The following IQCM variants were observed in gnomAD, a reference collection of about 807,000 sequenced individuals.
The protein encoded by IQCM is IQ domain-containing protein M.
Under a neutral mutation model 57.6 loss-of-function variants are expected in IQCM, and 45 were observed. The observed-to-expected ratio is 0.78, with a 90% confidence interval of 0.62 to 1.00. IQCM has a LOEUF of 1.00. IQCM is among the 50% of genes least tolerant of loss of function. The pLI is 0.00. For synonymous variants in IQCM, 148 were observed against 158.9 expected (o/e 0.93, Z 0.51); for missense variants, 468 against 511.6 (o/e 0.91, Z 0.82).
intron 7 of IQCM, among the ~76,000 whole-genome samples, chr4:149,638,261 T>C (rs1396105086): frequency 2.6e-5 from 4 of 152,080 alleles, no homozygotes; most frequent in Non-Finnish European, 2.9e-5. Context: ...TAAAATGAGA[T>C]TGACAACATA....
At chr4:149,457,315 C>T (rs1737807511) in intron 12 of IQCM, among the ~76,000 whole-genome samples, 1 of 152,010 alleles carries the variant, frequency 6.6e-6, no homozygotes, top group African/African-American at 2.4e-5. Flanking sequence ...TCTGATTGTC[C>T]TCTCTAGCTT....
chr4:149,649,909 G>C (rs1030504681), intron 7 of IQCM, among the ~76,000 whole-genome samples: 14 of 152,170 alleles, frequency 9.2e-5, no homozygotes, highest in South Asian at 6.2e-4. Flanking sequence ...ACGTCTCAAT[G>C]GTTTGATATA....
intron 13 of IQCM, among the ~76,000 whole-genome samples, chr4:149,362,421 C>G (rs996777671): frequency 6.6e-6 from 1 of 152,074 alleles, no homozygotes; most frequent in South Asian, 2.1e-4. Flanking sequence ...ATTTTATCTC[C>G]CAGAATTCCC....
At chr4:149,762,565 T>C (rs1023018922) in intron 2 of IQCM, among the ~76,000 whole-genome samples, 18 of 152,226 alleles carry the variant, frequency 1.2e-4, no homozygotes, top group African/African-American at 4.3e-4. Flanking sequence ...GCAGTATTTC[T>C]ATATTAAAAA....
At chr4:149,352,182 T>C in intron 13 of IQCM, 116 bp from the exon 14 acceptor site, 2 of 394,032 alleles carry the variant, frequency 5.1e-6, no homozygotes, top group Non-Finnish European at 4.5e-6. Context: ...TGTTAGAACA[T>C]GCAAAAGACT....
At chr4:149,537,764 G>T (rs1747446241) in intron 12 of IQCM, among the ~76,000 whole-genome samples, 1 of 151,878 alleles carries the variant, frequency 6.6e-6, no homozygotes, top group African/African-American at 2.4e-5. Context: ...ATTAATGACT[G>T]ATTTCCCATC....
intron 13 of IQCM, among the ~76,000 whole-genome samples, chr4:149,423,267 T>C (rs1579009690): frequency 6.6e-6 from 1 of 151,320 alleles, no homozygotes; most frequent in South Asian, 2.1e-4. Context: ...AGCAGGAGAG[T>C]AAAGAGCAGG....
At chr4:149,395,013 A>C (rs1205424968) in intron 13 of IQCM, among the ~76,000 whole-genome samples, 1 of 151,982 alleles carries the variant, frequency 6.6e-6, no homozygotes, top group Non-Finnish European at 1.5e-5. Flanking sequence ...AACATCTTAG[A>C]AGGAGACTCC....
chr4:149,473,940 A>G (rs1444107062), intron 12 of IQCM, among the ~76,000 whole-genome samples: 1 of 152,142 alleles, frequency 6.6e-6, no homozygotes, highest in African/African-American at 2.4e-5. Flanking sequence ...ACAATTGGAC[A>G]CAGGGTGGGG....
intron 7 of IQCM, among the ~76,000 whole-genome samples, chr4:149,630,672 T>C (rs941911851): frequency 6.6e-6 from 1 of 152,206 alleles, no homozygotes; most frequent in Non-Finnish European, 1.5e-5. Flanking sequence ...CATACATCCC[T>C]GATGAAAATG....
At chr4:149,716,091 G>T (rs577030134) in intron 5 of IQCM, among the ~76,000 whole-genome samples, 1 of 152,304 alleles carries the variant, frequency 6.6e-6, no homozygotes, top group East Asian at 1.9e-4. Context: ...ACTGGGATCT[G>T]CCCCTTTCTG....
intron 5 of IQCM, among the ~76,000 whole-genome samples, chr4:149,712,699 T>C (rs1764663109): frequency 6.6e-6 from 1 of 152,118 alleles, no homozygotes; most frequent in Non-Finnish European, 1.5e-5. Context: ...TGATGGAAGG[T>C]GTTTTTCAGG....
chr4:149,782,450 AT>A (rs909503819), intron 2 of IQCM, among the ~76,000 whole-genome samples: 5 of 151,258 alleles, frequency 3.3e-5, no homozygotes, highest in Admixed American at 1.3e-4. Context: ...TCTCTCTACA[AT>A]TTTTTTTTAC....
intron 12 of IQCM, among the ~76,000 whole-genome samples, chr4:149,435,572 T>TA (rs112641970): frequency 0.057 from 7,986 of 139,530 alleles, 650 homozygotes; most frequent in African/African-American, 0.18. Flanking sequence ...TTCTACTTAT[T>TA]AAAAAAAAAA....
chr4:149,535,400 T>C (rs1747190413), intron 12 of IQCM, among the ~76,000 whole-genome samples: 1 of 152,018 alleles, frequency 6.6e-6, no homozygotes, highest in Non-Finnish European at 1.5e-5. Flanking sequence ...GGAGTTTATA[T>C]TCCTGGTATT....
At chr4:149,420,736 G>A (rs188200896) in intron 13 of IQCM, among the ~76,000 whole-genome samples, 112 of 152,062 alleles carry the variant, frequency 7.4e-4, no homozygotes, top group African/African-American at 2.5e-3. Context: ...AGTGAGTACT[G>A]GTAACATATA....
At chr4:149,720,514 C>T (rs1263275382) in intron 5 of IQCM, among the ~76,000 whole-genome samples, 2 of 152,068 alleles carry the variant, frequency 1.3e-5, no homozygotes, top group African/African-American at 2.4e-5. Flanking sequence ...CTTTCTATTT[C>T]GGAGCTTACC....
intron 2 of IQCM, among the ~76,000 whole-genome samples, chr4:149,805,305 T>C (rs1418058496): frequency 6.6e-6 from 1 of 152,066 alleles, no homozygotes; most frequent in Non-Finnish European, 1.5e-5. Context: ...ATAAATCCTT[T>C]ATTGGGAAAT....
At chr4:149,658,953 G>C (rs556163747) in intron 7 of IQCM, among the ~76,000 whole-genome samples, 1 of 151,770 alleles carries the variant, frequency 6.6e-6, no homozygotes, top group African/African-American at 2.4e-5. Context: ...TTTCCAATTT[G>C]GATGCATCTT....
Sources: allele counts gnomAD v4.1 joint callset (sites outside exome capture counted in the v4.1 genomes callset), GRCh38; gene constraint gnomAD v4.1.1; transcripts MANE v1.5; gene names NCBI Gene and HGNC (gene_info 2026-07-23, HGNC 2026-07-21).